The following ADARB1 variants were observed in gnomAD, a reference collection of about 807,000 sequenced individuals.
ADARB1 encodes double-stranded RNA-specific editase 1.
A neutral mutation model predicts 52.4 loss-of-function variants in ADARB1; 10 were observed. That is an observed-to-expected ratio of 0.19 (90% CI 0.12 to 0.32). The LOEUF (loss-of-function observed/expected upper bound fraction) is 0.32, where lower values mean the gene tolerates loss of function less well. ADARB1 is among the 10% of genes least tolerant of loss of function. The pLI is 1.00. For missense variants in ADARB1, 643 were observed against 922.3 expected (o/e 0.70, Z 3.92); for synonymous variants, 349 against 371.1 (o/e 0.94, Z 0.68).
intron 2 of ADARB1, among the ~76,000 whole-genome samples, chr21:45,131,640 G>A (rs1226803258): frequency 6.6e-6 from 1 of 152,256 alleles, no homozygotes; most frequent in Non-Finnish European, 1.5e-5. Context: ...TCTGTGCACA[G>A]TGTGGTGTGG....
At chr21:45,086,881 A>G (rs915213281) in intron 1 of ADARB1, among the ~76,000 whole-genome samples, 3 of 152,334 alleles carry the variant, frequency 2.0e-5, no homozygotes, top group Middle Eastern at 3.4e-3. Context: ...TTTGTTTGAT[A>G]CTGATAATGC....
intron 1 of ADARB1, chr21:45,120,963 T>G (rs2088142561): frequency 6.6e-6 from 1 of 152,224 alleles, no homozygotes; most frequent in Non-Finnish European, 1.5e-5. Flanking sequence ...ATTCTTGGTA[T>G]GTGTGTATTC....
intron 8 of ADARB1, among the ~76,000 whole-genome samples, chr21:45,202,968 C>T (rs1007573282): frequency 2.7e-5 from 4 of 149,166 alleles, no homozygotes; most frequent in African/African-American, 9.9e-5. Context: ...TCCCTTGCAG[C>T]CTGTGCCACA....
At chr21:45,086,688 T>C (rs984003435) in intron 1 of ADARB1, among the ~76,000 whole-genome samples, 2 of 152,250 alleles carry the variant, frequency 1.3e-5, no homozygotes, top group African/African-American at 4.8e-5. Context: ...CGTATTGGCG[T>C]AGCGTGTTCG....
chr21:45,087,275 T>C lies in ADARB1; in HGVS notation c.-220+12482T>C, dbSNP rs80294969. Among the ~76,000 whole-genome samples the C allele has an allele frequency of 3.3e-3, 506 of 152,292 alleles. 2 individuals carry two copies. The highest frequency in any genetic ancestry group is 5.3e-3 in the Non-Finnish European group (362 of 68,028). ...ACATTCGGAATAACCTAAATATCCA[T>C]ATGCAGGAGAGGGTTGAGTAAACTC... On this transcript the variant is annotated intron_variant, in intron 1 of 10. Coordinates refer to ENST00000348831, the MANE Select transcript of ADARB1 (RefSeq NM_001112.4).
At chr21:45,100,500 T>G (rs1399958534) in intron 1 of ADARB1, 1 of 152,250 alleles carries the variant, frequency 6.6e-6, no homozygotes, top group Non-Finnish European at 1.5e-5. Context: ...TATTTTGACT[T>G]CATGCATTTA....
intron 9 of ADARB1, among the ~76,000 whole-genome samples, chr21:45,218,839 G>C (rs1193265780): frequency 1.3e-5 from 2 of 151,934 alleles, no homozygotes; most frequent in Non-Finnish European, 2.9e-5. Flanking sequence ...GGGCTTGACA[G>C]TTCAGTGTCT....
intron 8 of ADARB1, among the ~76,000 whole-genome samples, chr21:45,196,129 A>G (rs1254395483): frequency 6.6e-6 from 1 of 152,194 alleles, no homozygotes. Context: ...ATACCTAAAT[A>G]TTTCAGTTTT....
chr21:45,162,107 AGAG>A (rs1336616918), intron 2 of ADARB1, among the ~76,000 whole-genome samples: 2 of 152,168 alleles, frequency 1.3e-5, no homozygotes, highest in African/African-American at 2.4e-5. Flanking sequence ...GGCAATGAGG[AGAG>A]GAGGAGAGAA....
At chr21:45,178,494 C>A (rs1401549336) in intron 4 of ADARB1, among the ~76,000 whole-genome samples, 1 of 152,204 alleles carries the variant, frequency 6.6e-6, no homozygotes, top group African/African-American at 2.4e-5. Flanking sequence ...GTCTTTGGAG[C>A]CCCCAGGATA....
At position 45,222,611 on chromosome 21, in the gene ADARB1, G is replaced by A; in HGVS notation, c.*414G>A. The stretch of plus-strand genomic sequence containing the variant: ...AGGAATGTGGTTTATAAAATAGGAA[G>A]TAATTGTGTCAGGTCACTTTTATGC... On this transcript the variant is annotated 3_prime_UTR_variant, in exon 11 of 11. Coordinates refer to ENST00000348831, the MANE Select transcript of ADARB1 (RefSeq NM_001112.4). 1.0e-6 allele frequency: 1 copy of A among 1,000,224 alleles called. No individual in the cohort carries two copies. The highest frequency in any genetic ancestry group is 1.2e-6 in the Non-Finnish European group (1 of 840,160). The allele number at this position is 1,000,224 out of a possible 1,614,324, so 62.0% of individuals were successfully genotyped here. A position where few individuals can be genotyped will look rare whatever the true frequency, so the allele number is the denominator to read the frequency against.
At chr21:45,114,953 A>G (rs1047414620) in intron 1 of ADARB1, among the ~76,000 whole-genome samples, 3 of 152,236 alleles carry the variant, frequency 2.0e-5, no homozygotes, top group Non-Finnish European at 2.9e-5. Flanking sequence ...ACTGACCTGT[A>G]GAGAGCTGGA....
chr21:45,180,895 C>T (rs745972989), intron 5 of ADARB1, among the ~76,000 whole-genome samples: 5 of 152,268 alleles, frequency 3.3e-5, no homozygotes, highest in Admixed American at 6.5e-5. Context: ...CAATTTAGAA[C>T]GATAGAAGAA....
At position 45,200,314 on chromosome 21, in the gene ADARB1, G is replaced by C. The variant is rs998879928; in HGVS notation, c.1566-4241G>C. ...GTTTGGCGGTGAATGCAGCCCCAGA[G>C]AGTTGTCCACAAGACCATGGGGTGA... On this transcript the variant is annotated intron_variant, in intron 8 of 10. Transcript: ENST00000348831. This position sits in a 1 kb window ranked among gnomAD's most constrained non-coding sequence, Gnocchi z 5.0. Among the ~76,000 whole-genome samples, 1 of 152,222 alleles carries C rather than the reference G, an allele frequency of 6.6e-6. No homozygotes were observed. Among genetic ancestry groups the C allele is most frequent in the African/African-American group, 2.4e-5 (1 of 41,472 alleles).
In ADARB1 at chr21:45,134,767, G is replaced by A. The variant is rs145962363; in HGVS notation, c.-48+6194G>A. On this transcript the variant is annotated intron_variant, in intron 2 of 10. Transcript: ENST00000348831. Reference sequence around the variant, plus strand: ...CCCTCATTCATCCAGCGAGCATTGAGGACCCCCTAGAGGCCAGGCCCATGA... The same window carrying A: ...CCCTCATTCATCCAGCGAGCATTGAAGACCCCCTAGAGGCCAGGCCCATGA... 8.2e-4 allele frequency: 439 copies of A among 533,298 alleles called. 2 individuals are homozygous for A. The highest frequency in any genetic ancestry group is 7.8e-3 in the African/African-American group (403 of 51,626). The allele number at this position is 533,298 out of a possible 1,614,324, so 33.0% of individuals were successfully genotyped here.
rs933890997 is a variant in ADARB1 at position 45,208,429 on chromosome 21, G to A, written c.1747+3693G>A. Among the ~76,000 whole-genome samples, 1 of 152,328 alleles carries A rather than the reference G, an allele frequency of 6.6e-6. No homozygotes were observed. The highest frequency in any genetic ancestry group is 1.9e-4 in the East Asian group (1 of 5,178). ...AGGTATCTCTGGGAGGACAGCACAG[G>A]GACCCAAGGGGGCTGGCAGCAGGCC... On this transcript the variant is annotated intron_variant, in intron 9 of 10. Transcript: ENST00000348831. The surrounding 1 kb of genome is among the most constrained non-coding windows in gnomAD (Gnocchi z 5.6).
At chr21:45,097,038 C>G (rs544348587) in intron 1 of ADARB1, among the ~76,000 whole-genome samples, 1 of 152,226 alleles carries the variant, frequency 6.6e-6, no homozygotes, top group Non-Finnish European at 1.5e-5. Flanking sequence ...TGCGCCCAGC[C>G]TTTCTCCTCT....
chr21:45,160,812 GT>G (rs1569093776), intron 2 of ADARB1, among the ~76,000 whole-genome samples: 2 of 152,296 alleles, frequency 1.3e-5, no homozygotes, highest in East Asian at 3.9e-4. Flanking sequence ...TGAACTCTGT[GT>G]TATTATCCTA....
chr21:45,174,803 C>T (rs534680269), intron 3 of ADARB1, among the ~76,000 whole-genome samples: 11 of 152,030 alleles, frequency 7.2e-5, no homozygotes, highest in Non-Finnish European at 1.6e-4. Flanking sequence ...CTAAAATTGT[C>T]TGTATTAATT....
Sources: gnomAD v4.1 joint callset for allele counts (sites outside exome capture counted in the v4.1 genomes callset) on GRCh38, gnomAD v4.1.1 for gene constraint, Gnocchi (gnomAD v3.1) non-coding constraint, MANE v1.5 for transcripts, NCBI Gene and HGNC (gene_info 2026-07-23, HGNC 2026-07-21) for gene names.